CARD8: variants seen among roughly 807,000 people sequenced by gnomAD.
CARD8 encodes caspase recruitment domain family member 8.
CARD8 carries 38 observed loss-of-function variants against 53.2 expected under a neutral mutation model. That is an observed-to-expected ratio of 0.71 (90% CI 0.55 to 0.94). The LOEUF (loss-of-function observed/expected upper bound fraction) is 0.94. Among genes scored for constraint, CARD8 ranks in the 40% least tolerant of loss-of-function variants. The pLI is 0.00. For synonymous variants in CARD8, 245 were observed against 244.9 expected (o/e 1.00, Z 0.00); for missense variants, 561 against 655.5 (o/e 0.86, Z 1.57).
At position 48,241,897 on chromosome 19, in the gene CARD8, A is replaced by ATATAG. The variant is rs954511814; in HGVS notation, c.-43-839_-43-835dup. Among the ~76,000 whole-genome samples the ATATAG allele has an allele frequency of 2.8e-4, 43 of 152,162 alleles. 1 individual carries two copies. Among genetic ancestry groups the ATATAG allele is most frequent in the Middle Eastern group, 3.4e-3 (1 of 294 alleles). On this transcript the variant is annotated intron_variant, in intron 3 of 13. Coordinates refer to ENST00000651546, the MANE Select transcript of CARD8 (RefSeq NM_001184900.3). Reference sequence around the variant, plus strand: ...ATAAGTCTACAATTCAATGTTGTATATATAGTAATGAAGTTGTACAACCAC... The same window carrying ATATAG: ...ATAAGTCTACAATTCAATGTTGTATATATAGTATAGTAATGAAGTTGTACAACCAC...
In CARD8 at chr19:48,221,282, C is replaced by T. The variant is rs528807031; in HGVS notation, c.1161+448G>A. 1.0e-3 allele frequency among the ~76,000 whole-genome samples: 156 copies of T among 152,298 alleles called. 1 individual carries two copies. The highest frequency in any genetic ancestry group is 3.4e-3 in the African/African-American group (142 of 41,552). On this transcript the variant is annotated intron_variant, in intron 11 of 13. Transcript: ENST00000651546. ...CTAGGGATTTCGCTACATGGCATAT[C>T]ATGTCCCAGTAAATCTGTATGTAGG...
intron 6 of CARD8, 90 bp downstream of exon 6, chr19:48,234,313 A>G: frequency 2.2e-6 from 3 of 1,374,350 alleles, no homozygotes; most frequent in Non-Finnish European, 3.0e-6. Context: ...GAGTTCGATG[A>G]AAAACACCCA....
intron 10 of CARD8, among the ~76,000 whole-genome samples, chr19:48,222,810 A>G (rs2040940546): frequency 6.6e-6 from 1 of 152,214 alleles, no homozygotes; most frequent in Non-Finnish European, 1.5e-5. Context: ...AGAATTAATG[A>G]GCAAGGAATT....
At chr19:48,203,932 C>T (rs1017443078), downstream of CARD8, 4 of 286,184 alleles carry the variant, frequency 1.4e-5, no homozygotes, top group South Asian at 5.3e-5. Flanking sequence ...GCCACCAGCG[C>T]TTTCGCGTCC....
chr19:48,221,805 C>A lies in CARD8; in HGVS notation c.1086G>T (p.Ser362=), dbSNP rs16981828. 3 of 1,609,644 alleles carry A rather than the reference C, an allele frequency of 1.9e-6. No homozygotes were observed. In the African/African-American group the frequency reaches 4.0e-5, roughly 22 times the overall value. The part of the protein sequence containing the change: ...DRFHGVRLQT[S]PPMEPLNFGS... ...CAAAGTTCAGGGGTTCCATTGGGGG[C>A]GAAGTCTGCAGGCGCACACCATGGA... The change falls in exon 11 of 14, where the codon TCG becomes TCT. Residue 362 remains serine (S), a synonymous_variant. Coordinates refer to ENST00000651546, the MANE Select transcript of CARD8 (RefSeq NM_001184900.3).
chr19:48,235,445 T>C (rs2043702423), intron 5 of CARD8, among the ~76,000 whole-genome samples: 1 of 152,194 alleles, frequency 6.6e-6, no homozygotes, highest in East Asian at 1.9e-4. Flanking sequence ...GACATGCCTT[T>C]GCTCCTCCTT....
At chr19:48,219,505 G>A (rs1157271564) in intron 11 of CARD8, among the ~76,000 whole-genome samples, 1 of 152,092 alleles carries the variant, frequency 6.6e-6, no homozygotes, top group Non-Finnish European at 1.5e-5. Context: ...CCCTTATGCA[G>A]GACAGAATTA....
intron 12 of CARD8, among the ~76,000 whole-genome samples, chr19:48,218,356 T>C (rs796682425): frequency 4.7e-3 from 147 of 31,264 alleles, no homozygotes; most frequent in Middle Eastern, 0.025. Context: ...TCTTCTTCTT[T>C]TTTTTTTTTT....
In CARD8 at chr19:48,218,994, T is replaced by G; in HGVS notation, c.1180A>C (p.Arg394=). The G allele has an allele frequency of 6.2e-7, 1 of 1,614,138 alleles. No individual in the cohort carries two copies. Among genetic ancestry groups the G allele is most frequent in the Non-Finnish European group, 8.5e-7 (1 of 1,179,974 alleles). ...AAGTGCTGAATTTCTCCAGGGCTCCTGTAGGACAATTTCAACTCCTAGAGG... is the reference window on the plus strand; with the variant it reads ...AAGTGCTGAATTTCTCCAGGGCTCCGGTAGGACAATTTCAACTCCTAGAGG... The part of the protein sequence containing the change: ...VMPKELKLSY[R]SPGEIQHFSK... Residue 394 remains arginine, a synonymous_variant, in exon 12 of 14, where the codon AGG becomes CGG. Coordinates refer to ENST00000651546, the MANE Select transcript of CARD8 (RefSeq NM_001184900.3).
At position 48,230,990 on chromosome 19, in the gene CARD8, C is replaced by T. The variant is rs761767678; in HGVS notation, c.559G>A (p.Ala187Thr). The change falls in exon 9 of 14, where the codon GCT becomes ACT. Residue 187 changes from alanine (A) to threonine (T), a missense_variant. Transcript: ENST00000651546. ...GTGGCTGACCACAGATACCAGCCAG[C>T]AGTGGGGAACCAAACGCTGAAAGGA... ...TNRYSVWFPT[A>T]GWYLWSATGL... 3 of 1,614,032 alleles carry T rather than the reference C, an allele frequency of 1.9e-6. No individual in the cohort carries two copies. Among genetic ancestry groups the T allele is most frequent in the Admixed American group, 1.7e-5 (1 of 60,000 alleles).
At chr19:48,227,479 C>T (rs899025423) in intron 10 of CARD8, among the ~76,000 whole-genome samples, 1 of 152,076 alleles carries the variant, frequency 6.6e-6, no homozygotes, top group African/African-American at 2.4e-5. Flanking sequence ...AGAGCAAGAA[C>T]CTGCAGAGGC....
At chr19:48,242,199 A>T (rs998059626) in intron 3 of CARD8, among the ~76,000 whole-genome samples, 15 of 152,152 alleles carry the variant, frequency 9.9e-5, no homozygotes, top group Non-Finnish European at 1.9e-4. Context: ...ATGAGGGTGG[A>T]ATCCTCATGA....
In CARD8 at chr19:48,231,806, G is replaced by A. The variant is rs763390412; in HGVS notation, c.396C>T (p.Asp132=). Reference sequence around the variant, plus strand: ...CTATTTGATTCTCTTCTGAGCAAATGTCTCCTGAAAAGAAAATACTAGACA... The same window carrying A: ...CTATTTGATTCTCTTCTGAGCAAATATCTCCTGAAAAGAAAATACTAGACA... The part of the protein sequence containing the change: ...QESSEGQDSG[D]ICSEENQIVS... Residue 132 remains aspartate (D), a synonymous_variant, in exon 8 of 14, where the codon GAC becomes GAT. Transcript: ENST00000651546. The A allele has an allele frequency of 1.5e-5, 24 of 1,613,652 alleles. No homozygotes were observed. Among genetic ancestry groups the A allele is most frequent in the Non-Finnish European group, 2.0e-5 (24 of 1,179,820 alleles).
chr19:48,221,737 A>T lies in CARD8; in HGVS notation c.1154T>A (p.Met385Lys). Residue 385 changes from methionine to lysine, a missense_variant, in exon 11 of 14, where the codon ATG (methionine) becomes AAG (lysine). By Grantham distance (95) the Met-to-Lys change is moderately conservative. Transcript: ENST00000651546. ...IVSNSANLKV[M>K]PKELKLSYRS... ...GGTTTGAATTCTACTAACCTTGGGC[A>T]TTACTTTCAGGTTAGCAGAATTAGA... The T allele has an allele frequency of 1.3e-6, 2 of 1,588,656 alleles. No homozygotes were observed. Among genetic ancestry groups the T allele is most frequent in the Admixed American group, 1.7e-5 (1 of 58,970 alleles).
chr19:48,235,017 A>G (rs2043623947), intron 5 of CARD8, among the ~76,000 whole-genome samples: 1 of 152,192 alleles, frequency 6.6e-6, no homozygotes, highest in Admixed American at 6.5e-5. Flanking sequence ...ATAAGAACCC[A>G]TGGAACAGTT....
At chr19:48,207,524 C>T (rs1479590008), downstream of CARD8, among the ~76,000 whole-genome samples, 1 of 151,966 alleles carries the variant, frequency 6.6e-6, no homozygotes, top group Non-Finnish European at 1.5e-5. Context: ...GATAACTAGA[C>T]GTATGAAATT....
chr19:48,204,940 T>A (rs1200571138), downstream of CARD8, among the ~76,000 whole-genome samples: 1 of 152,184 alleles, frequency 6.6e-6, no homozygotes, highest in African/African-American at 2.4e-5. Context: ...GGAAAATGCA[T>A]AATATTGTAG....
In CARD8 at chr19:48,230,557, C is replaced by T. The variant is rs138051424; in HGVS notation, c.916G>A (p.Ala306Thr). The stretch of plus-strand genomic sequence containing the variant: ...GGGATGGAGAGGCGAGTCCCACTGG[C>T]GATCCGCAGCAGGATGCCCATCAGA... ...FSLMGILLRI[A>T]SGTRLSIPIT... The change falls in exon 10 of 14, where the codon GCC becomes ACC. Residue 306 changes from alanine (A) to threonine (T), a missense_variant. Transcript: ENST00000651546. 2.0e-3 allele frequency: 3,268 copies of T among 1,614,134 alleles called. 6 individuals carry two copies. Among genetic ancestry groups the T allele is most frequent in the Admixed American group, 3.1e-3 (184 of 60,028 alleles).
chr19:48,216,963 A>G (rs1240959463), intron 12 of CARD8, among the ~76,000 whole-genome samples: 2 of 152,142 alleles, frequency 1.3e-5, no homozygotes, highest in African/African-American at 2.4e-5. Flanking sequence ...TTTTCCTGCA[A>G]CTAGGTGGTC....
Sources: gnomAD v4.1 joint callset for allele counts (sites outside exome capture counted in the v4.1 genomes callset) on GRCh38, gnomAD v4.1.1 for gene constraint, MANE v1.5 for transcripts, NCBI Gene and HGNC (gene_info 2026-07-23, HGNC 2026-07-21) for gene names.